The following NBDY variants were observed in gnomAD, a reference collection of about 807,000 sequenced individuals.
The protein encoded by NBDY is negative regulator of P-body association.
At chrX:56,813,769 T>G (rs1040556636) in intron 2 of NBDY, among the ~76,000 whole-genome samples, 1 of 111,313 alleles carries the variant, frequency 9.0e-6, no homozygotes, top group Non-Finnish European at 1.9e-5. Context: ...ATGCAGGAAG[T>G]CTGTTATCAG....
chrX:56,806,409 TG>T (rs922855620), intron 2 of NBDY, among the ~76,000 whole-genome samples: 5 of 111,724 alleles, frequency 4.5e-5, no homozygotes, highest in Non-Finnish European at 9.4e-5. Context: ...TCTTCCAGAG[TG>T]GTTGAACTAA....
intron 2 of NBDY, among the ~76,000 whole-genome samples, chrX:56,781,120 G>C (rs1013472297): frequency 1.8e-5 from 2 of 111,413 alleles, no homozygotes; most frequent in African/African-American, 6.5e-5. Context: ...AGAGGTTCTT[G>C]TTTTTACCTT....
chrX:56,803,885 C>T (rs1017938560), intron 2 of NBDY, among the ~76,000 whole-genome samples: 38 of 112,248 alleles, frequency 3.4e-4, no homozygotes, highest in African/African-American at 1.2e-3. Context: ...GCAGGACTCC[C>T]CACCTACATG....
At position 56,812,163 on chromosome X, in the gene NBDY, G is replaced by A. The variant is rs1057023646; in HGVS notation, c.*167-5157G>A. 6.4e-5 allele frequency among the ~76,000 whole-genome samples: 7 copies of A among 108,953 alleles called. No individual in the cohort carries two copies. In the East Asian group the frequency reaches 8.7e-4, roughly 14 times the overall value. The allele number at this position is 108,953 out of a possible 115,157, so 94.6% of individuals were successfully genotyped here. A position where few individuals can be genotyped will look rare whatever the true frequency, so the allele number is the denominator to read the frequency against. The stretch of plus-strand genomic sequence containing the variant: ...ATCACCCATCTTCTGCATCGATCTC[G>A]CTGGGAGCTGCAGACTGGAACTGCT... On this transcript the variant is annotated intron_variant, in intron 2 of 2. Transcript: ENST00000374922.
chrX:56,803,048 G>A (rs1199686611), intron 2 of NBDY, among the ~76,000 whole-genome samples: 3 of 111,764 alleles, frequency 2.7e-5, no homozygotes, highest in Non-Finnish European at 5.6e-5. Context: ...GTGCCATCGA[G>A]CGGAATCTGT....
intron 2 of NBDY, among the ~76,000 whole-genome samples, chrX:56,766,956 C>T (rs1281279440): frequency 8.9e-6 from 1 of 112,705 alleles, no homozygotes; most frequent in Admixed American, 9.3e-5. Context: ...ACTCCTGCCT[C>T]AGGCCCTGTG....
At position 56,787,614 on chromosome X, in the gene NBDY, A is replaced by C. The variant is rs1202075765; in HGVS notation, c.*167-29706A>C. 1.1e-4 allele frequency among the ~76,000 whole-genome samples: 12 copies of C among 112,251 alleles called. No homozygotes were observed. In the Admixed American group the frequency reaches 1.1e-3, roughly 11 times the overall value. Reference sequence around the variant, plus strand: ...AGCATCCTGGGTCAAGCTGCTTAAAAAGGGACCCCACTTTGGGGTAGGGGT... The same window carrying C: ...AGCATCCTGGGTCAAGCTGCTTAAACAGGGACCCCACTTTGGGGTAGGGGT... On this transcript the variant is annotated intron_variant, in intron 2 of 2. Coordinates refer to ENST00000374922, the MANE Select transcript of NBDY (RefSeq NM_001348129.2).
chrX:56,805,666 G>T (rs1173377456), intron 2 of NBDY, among the ~76,000 whole-genome samples: 1 of 111,926 alleles, frequency 8.9e-6, no homozygotes, highest in Non-Finnish European at 1.9e-5. Context: ...GGACTAAGGG[G>T]CTGACTCTCT....
In NBDY at chrX:56,766,555, A is replaced by C. The variant is rs778948288; in HGVS notation, c.*166+34356A>C. Among the ~76,000 whole-genome samples the C allele has an allele frequency of 9.8e-5, 11 of 112,429 alleles. No homozygotes were observed. The East Asian group carries it at 2.8e-3, about 29-fold the overall frequency. ...CAAGCATTATGGGACACAAACACAC[A>C]TCGCCACAGGCATGCGACTGCCCAC... On this transcript the variant is annotated intron_variant, in intron 2 of 2. Coordinates refer to ENST00000374922, the MANE Select transcript of NBDY (RefSeq NM_001348129.2).
At chrX:56,745,690 A>G (rs1249691038) in intron 2 of NBDY, among the ~76,000 whole-genome samples, 1 of 110,712 alleles carries the variant, frequency 9.0e-6, no homozygotes, top group Non-Finnish European at 1.9e-5. Context: ...TTTAGTTGTC[A>G]TGCTCCTTTT....
chrX:56,792,883 A>G (rs2069771417), intron 2 of NBDY, among the ~76,000 whole-genome samples: 1 of 111,289 alleles, frequency 9.0e-6, no homozygotes, highest in Admixed American at 9.5e-5. Flanking sequence ...AAACTGGAGC[A>G]TCCTGGGTCA....
chrX:56,752,467 T>C (rs1434185421), intron 2 of NBDY, among the ~76,000 whole-genome samples: 1 of 111,267 alleles, frequency 9.0e-6, no homozygotes, highest in Non-Finnish European at 1.9e-5. Flanking sequence ...TTTTGTCAGA[T>C]AGGTTTTTAT....
intron 2 of NBDY, among the ~76,000 whole-genome samples, chrX:56,749,886 A>G (rs2069575995): frequency 9.0e-6 from 1 of 111,217 alleles, no homozygotes. Flanking sequence ...TCCTGAGCTT[A>G]AGTGATTGTC....
rs1033147469 is a variant in NBDY at position 56,784,184 on chromosome X, G to T, written c.*167-33136G>T. Among the ~76,000 whole-genome samples the T allele has an allele frequency of 2.7e-5, 3 of 112,489 alleles. No homozygotes were observed. The South Asian group carries it at 1.1e-3, about 42-fold the overall frequency. On this transcript the variant is annotated intron_variant, in intron 2 of 2. Transcript: ENST00000374922. ...CTCCCCCTAGGCAAGAGACCAGGCC[G>T]TATGCTGAGGTGCACGACACTTGTC...
At chrX:56,782,138 C>T (rs991725532) in intron 2 of NBDY, among the ~76,000 whole-genome samples, 13 of 111,659 alleles carry the variant, frequency 1.2e-4, no homozygotes, top group Middle Eastern at 4.6e-3. Context: ...TGTATGTCAC[C>T]ACACACTGAG....
Position 56,788,615 on chromosome X carries a change from C to CT in NBDY, c.*167-28690dup, listed in dbSNP as rs372313716. Among the ~76,000 whole-genome samples the CT allele has an allele frequency of 8.4e-3, 874 of 104,276 alleles. 4 individuals carry two copies. The highest frequency in any genetic ancestry group is 0.032 in the East Asian group (108 of 3,354). The allele number at this position is 104,276 out of a possible 115,157, so 90.6% of individuals were successfully genotyped here. ...CCCCACACTCAGCACCCCGTAGCTC[C>CT]TTTTTTTTTTTTTTTACCAGGAAGA... is the stretch of plus-strand genomic sequence containing the variant. On this transcript the variant is annotated intron_variant, in intron 2 of 2. Coordinates refer to ENST00000374922, the MANE Select transcript of NBDY (RefSeq NM_001348129.2).
chrX:56,790,483 C>A (rs12012616), intron 2 of NBDY, among the ~76,000 whole-genome samples: 7,255 of 111,488 alleles, frequency 0.065, 552 homozygotes, highest in African/African-American at 0.23. Context: ...ACAGGAGTCA[C>A]CCCCTTTTGG....
intron 2 of NBDY, among the ~76,000 whole-genome samples, chrX:56,788,967 T>C (rs887110618): frequency 8.9e-6 from 1 of 112,287 alleles, no homozygotes; most frequent in Non-Finnish European, 1.9e-5. Flanking sequence ...TTTTCACTGA[T>C]CTCTGTGCCT....
At chrX:56,815,468 T>C (rs890043666) in intron 2 of NBDY, among the ~76,000 whole-genome samples, 1 of 112,140 alleles carries the variant, frequency 8.9e-6, no homozygotes, top group African/African-American at 3.2e-5. Context: ...ATTTAAAGTA[T>C]GATAACAGGT....
Sources: allele counts gnomAD v4.1 joint callset (sites outside exome capture counted in the v4.1 genomes callset), GRCh38; gene constraint gnomAD v4.1.1; transcripts MANE v1.5; gene names NCBI Gene and HGNC (gene_info 2026-07-23, HGNC 2026-07-21).